The following PLCB1 variants were observed in gnomAD, a reference collection of about 807,000 sequenced individuals.
PLCB1 encodes 1-phosphatidylinositol 4,5-bisphosphate phosphodiesterase beta-1.
A neutral mutation model predicts 161.8 loss-of-function variants in PLCB1; 46 were observed. The ratio of observed to expected loss-of-function variants is 0.28; its 90% CI spans 0.22 to 0.36. PLCB1 has a LOEUF of 0.36. Ranked by LOEUF, PLCB1 falls within the 10% of genes least tolerant of loss-of-function variation. PLCB1 has a pLI of 1.00. For synonymous variants in PLCB1, 517 were observed against 503.7 expected, an observed-to-expected ratio of 1.03 and a Z score of -0.35; for missense variants, 1,016 against 1,472.5, an observed-to-expected ratio of 0.69 and a Z score of 5.07.
At chr20:8,618,644 C>T (rs1988095432) in intron 3 of PLCB1, among the ~76,000 whole-genome samples, 2 of 152,084 alleles carry the variant, frequency 1.3e-5, no homozygotes, top group South Asian at 4.1e-4. Flanking sequence ...TTAGAGATGA[C>T]AACTTTGGTC....
chr20:8,429,640 A>AT (rs1352271559), intron 3 of PLCB1, among the ~76,000 whole-genome samples: 1 of 152,028 alleles, frequency 6.6e-6, no homozygotes, highest in African/African-American at 2.4e-5. Flanking sequence ...TATAAAATGC[A>AT]TTTTTTACTG....
intron 3 of PLCB1, among the ~76,000 whole-genome samples, chr20:8,558,501 A>G (rs1986038337): frequency 6.6e-6 from 1 of 151,728 alleles, no homozygotes; most frequent in African/African-American, 2.4e-5. Context: ...AGGAGAGAGA[A>G]AAAAAGGCAG....
At chr20:8,145,138 A>G (rs1263415954) in intron 1 of PLCB1, among the ~76,000 whole-genome samples, 2 of 152,078 alleles carry the variant, frequency 1.3e-5, no homozygotes, top group African/African-American at 2.4e-5. Context: ...AGGAAGTGGG[A>G]GATAAAGGTG....
chr20:8,587,394 T>A (rs1210368622), intron 3 of PLCB1, among the ~76,000 whole-genome samples: 2 of 152,142 alleles, frequency 1.3e-5, no homozygotes, highest in Non-Finnish European at 2.9e-5. Flanking sequence ...CATTTGACTC[T>A]TGCTTTCTTT....
intron 2 of PLCB1, among the ~76,000 whole-genome samples, chr20:8,188,205 C>T (rs188029961): frequency 1.3e-5 from 2 of 152,136 alleles, no homozygotes; most frequent in East Asian, 3.9e-4. Flanking sequence ...TCATAGATGG[C>T]AAAATACAAG....
chr20:8,849,945 G>A (rs6140768), intron 31 of PLCB1, among the ~76,000 whole-genome samples: 48,549 of 151,712 alleles, frequency 0.32, 8,738 homozygotes, highest in East Asian at 0.63. Flanking sequence ...CCCAGGAGGC[G>A]GAGGTTGCAG....
At chr20:8,862,879 C>A (rs762717421) in intron 31 of PLCB1, among the ~76,000 whole-genome samples, 2 of 152,000 alleles carry the variant, frequency 1.3e-5, no homozygotes, top group African/African-American at 4.8e-5. Flanking sequence ...AGCAGTGGTC[C>A]CAGGAAACCA....
intron 3 of PLCB1, among the ~76,000 whole-genome samples, chr20:8,516,664 CATATAT>C (rs57237224): frequency 0.092 from 6,588 of 71,712 alleles, 191 homozygotes; most frequent in East Asian, 0.15. Context: ...AATATAACAT[CATATAT>C]ATATATATAT....
chr20:8,632,710 G>A (rs1417679528), intron 4 of PLCB1, among the ~76,000 whole-genome samples: 7 of 152,146 alleles, frequency 4.6e-5, no homozygotes, highest in Admixed American at 2.0e-4. Flanking sequence ...ACTACAGCAG[G>A]TGCAAAAGCC....
chr20:8,839,250 T>A (rs988419905), intron 31 of PLCB1, among the ~76,000 whole-genome samples: 13 of 152,218 alleles, frequency 8.5e-5, no homozygotes, highest in African/African-American at 2.9e-4. Flanking sequence ...TCTTCTGAAG[T>A]GAAGGATAAG....
rs1350958343 is a variant in PLCB1 at position 8,595,262 on chromosome 20, C to G, written c.247-33032C>G. 7.2e-4 allele frequency among the ~76,000 whole-genome samples: 95 copies of G among 131,914 alleles called. 1 individual carries two copies. The highest frequency in any genetic ancestry group is 2.5e-3 in the African/African-American group (89 of 35,092). The allele number at this position is 131,914 out of a possible 152,430, so 86.5% of individuals were successfully genotyped here. A position where few individuals can be genotyped will look rare whatever the true frequency, so the allele number is the denominator to read the frequency against. On this transcript the variant is annotated intron_variant, in intron 3 of 31. Coordinates refer to ENST00000338037, the MANE Select transcript of PLCB1 (RefSeq NM_015192.4). Reference sequence around the variant, plus strand: ...CTATCCCTCCCCCCTCCCCCCACCCCACAACAGTCCCCAGAGTGTGATATT... The same window carrying G: ...CTATCCCTCCCCCCTCCCCCCACCCGACAACAGTCCCCAGAGTGTGATATT...
At chr20:8,821,651 T>C (rs2146265280) in intron 31 of PLCB1, among the ~76,000 whole-genome samples, 1 of 151,110 alleles carries the variant, frequency 6.6e-6, no homozygotes, top group African/African-American at 2.4e-5. Flanking sequence ...TATTTTCGCA[T>C]GTCAGCATCA....
intron 25 of PLCB1, among the ~76,000 whole-genome samples, chr20:8,763,202 T>C (rs923248151): frequency 1.3e-5 from 2 of 152,092 alleles, no homozygotes; most frequent in South Asian, 2.1e-4. Context: ...AAAATACAGA[T>C]TAGTTTTGTT....
chr20:8,355,315 A>G (rs1986329529), intron 2 of PLCB1, among the ~76,000 whole-genome samples: 1 of 152,268 alleles, frequency 6.6e-6, no homozygotes, highest in African/African-American at 2.4e-5. Flanking sequence ...CAGAGTTTCA[A>G]TAGCTTAACA....
chr20:8,283,894 C>T (rs1982994021), intron 2 of PLCB1, among the ~76,000 whole-genome samples: 1 of 151,962 alleles, frequency 6.6e-6, no homozygotes, highest in South Asian at 2.1e-4. Flanking sequence ...CTCTATATGA[C>T]CGTTATCTGT....
chr20:8,248,108 A>G (rs191994444), intron 2 of PLCB1, among the ~76,000 whole-genome samples: 51 of 152,044 alleles, frequency 3.4e-4, no homozygotes, highest in African/African-American at 1.2e-3. Context: ...GCAGAGGAGC[A>G]GGCCAAGGAA....
intron 27 of PLCB1, among the ~76,000 whole-genome samples, chr20:8,780,216 A>C (rs1983143994): frequency 6.6e-6 from 1 of 152,310 alleles, no homozygotes; most frequent in South Asian, 2.1e-4. Context: ...GATTTACCTG[A>C]GGGTCCCCAA....
chr20:8,606,698 G>A (rs1987768510), intron 3 of PLCB1, among the ~76,000 whole-genome samples: 1 of 152,096 alleles, frequency 6.6e-6, no homozygotes, highest in African/African-American at 2.4e-5. Context: ...GGACTTGATG[G>A]CTTCATAAAA....
chr20:8,517,909 C>G (rs144665173), intron 3 of PLCB1, among the ~76,000 whole-genome samples: 5 of 152,132 alleles, frequency 3.3e-5, no homozygotes, highest in Admixed American at 3.3e-4. Flanking sequence ...CCTGGCTAGG[C>G]GTGGTGGCTC....
Sources: allele counts gnomAD v4.1 joint callset (sites outside exome capture counted in the v4.1 genomes callset), GRCh38; gene constraint gnomAD v4.1.1; transcripts MANE v1.5; gene names NCBI Gene and HGNC (gene_info 2026-07-23, HGNC 2026-07-21).